Variants in DMWD observed in about 807,000 individuals in gnomAD.
DMWD encodes dystrophia myotonica WD repeat-containing protein.
A neutral mutation model predicts 45.8 loss-of-function variants in DMWD; 19 were observed. The ratio of observed to expected loss-of-function variants is 0.41; its 90% CI spans 0.29 to 0.61. The LOEUF is 0.61. DMWD is among the 20% of genes least tolerant of loss of function. DMWD has a pLI of 0.25. For missense variants in DMWD, 802 were observed against 965.2 expected, an observed-to-expected ratio of 0.83 and a Z score of 2.24; for synonymous variants, 515 against 440.5, an observed-to-expected ratio of 1.17 and a Z score of -2.12.
rs568553065 is a variant in DMWD at position 45,792,397 on chromosome 19, G to A, written c.360C>T (p.Gly120=). The A allele has an allele frequency of 7.3e-4, 1,170 of 1,593,982 alleles. 23 individuals are homozygous for A. The South Asian group carries it at 0.013, about 17-fold the overall frequency. The change falls in exon 1 of 5, where the codon GGC becomes GGT. Residue 120 remains glycine, a synonymous_variant. Transcript: ENST00000270223. ...TGAAGCAGACGCGGTCTCCCCCCGAGCCCAGCCCCGCGGGCGTGGCGGGCG... is the reference window on the plus strand; with the variant it reads ...TGAAGCAGACGCGGTCTCCCCCCGAACCCAGCCCCGCGGGCGTGGCGGGCG... The part of the protein sequence containing the change: ...GEPPATPAGL[G]SGGDRVCFNL...
In DMWD at chr19:45,785,638, A is replaced by T; in HGVS notation, c.1858T>A (p.Cys620Ser). ...LFLEDCIITA[C>S]QEGLICTWAR... ...CAGGTGCAGATGAGGCCCTCCTGGCAGGCAGTGATGATGCAGTCCTCCAGG... is the reference window on the plus strand; with the variant it reads ...CAGGTGCAGATGAGGCCCTCCTGGCTGGCAGTGATGATGCAGTCCTCCAGG... Residue 620 changes from cysteine to serine, a missense_variant, in exon 3 of 5, where the codon TGC becomes AGC. By Grantham distance (112) the Cys-to-Ser change is moderately radical. Coordinates refer to ENST00000270223, the MANE Select transcript of DMWD (RefSeq NM_004943.2). The T allele has an allele frequency of 1.3e-6, 2 of 1,542,592 alleles. No homozygotes were observed. The highest frequency in any genetic ancestry group is 1.8e-6 in the Non-Finnish European group (2 of 1,139,222).
rs1970214483 is a variant in DMWD, at chr19:45,783,572, C to T, written c.*671G>A. The T allele has an allele frequency of 5.0e-6, 2 of 398,800 alleles. No individual in the cohort carries two copies. The highest frequency in any genetic ancestry group is 4.4e-6 in the Non-Finnish European group (1 of 226,196). 24.7% of individuals were successfully genotyped at this position (398,800 alleles called of 1,614,324 possible). On this transcript the variant is annotated 3_prime_UTR_variant, in exon 5 of 5. Transcript: ENST00000270223. Reference sequence around the variant, plus strand: ...AGTTGTGTGACTCGCAGGTCCGTTCCCTCCCTGGGCTCCGGCTTTTCCTGC... The same window carrying T: ...AGTTGTGTGACTCGCAGGTCCGTTCTCTCCCTGGGCTCCGGCTTTTCCTGC...
At position 45,791,078 on chromosome 19, in the gene DMWD, G is replaced by C; in HGVS notation, c.451C>G (p.Leu151Val). 6.2e-7 allele frequency: 1 copy of C among 1,610,192 alleles called. No individual in the cohort carries two copies. Among genetic ancestry groups the C allele is most frequent in the Non-Finnish European group, 8.5e-7 (1 of 1,177,926 alleles). Residue 151 changes from leucine (L) to valine (V), a missense_variant, in exon 2 of 5, where the codon CTC becomes GTC. By Grantham distance (32) the Leu-to-Val change is conservative. Around this residue, in one of 9 missense-constraint regions of DMWD, gnomAD observed 82 missense variants for 92.9 expected, o/e 0.88. Coordinates refer to ENST00000270223, the MANE Select transcript of DMWD (RefSeq NM_004943.2). Reference sequence around the variant, plus strand: ...ATCCGCTTGTCAATTGGCTTGTTGAGGTCAATGGACTTGAGGGGTGGGAGA... The same window carrying C: ...ATCCGCTTGTCAATTGGCTTGTTGACGTCAATGGACTTGAGGGGTGGGAGA... Reference protein sequence around the residue: ...CRRGSQRSIDLNKPIDKRIYK... With the variant: ...CRRGSQRSIDVNKPIDKRIYK...
At position 45,784,633 on chromosome 19, in the gene DMWD, A is replaced by T; in HGVS notation, c.1977+8T>A. On this transcript the variant is annotated splice_region_variant and intron_variant, in intron 4 of 4. Coordinates refer to ENST00000270223, the MANE Select transcript of DMWD (RefSeq NM_004943.2). The stretch of plus-strand genomic sequence containing the variant: ...GGTGCTGGGGAAAGAACTCAGGGAC[A>T]GTCCTACCTCTACCACTGACTTGCT... 1 of 1,613,748 alleles carries T rather than the reference A, an allele frequency of 6.2e-7. No homozygotes were observed. The highest frequency in any genetic ancestry group is 1.3e-5 in the African/African-American group (1 of 75,018).
intron 4 of DMWD, 23 bp downstream of exon 4, chr19:45,784,618 A>T: frequency 6.2e-7 from 1 of 1,613,688 alleles, no homozygotes; most frequent in Non-Finnish European, 8.5e-7. Context: ...GGTGCTGGGG[A>T]AAGAACTCAG....
At position 45,784,225 on chromosome 19, in the gene DMWD, G is replaced by T; in HGVS notation, c.*18C>A. ...GAGGCTGGGGGCATGGGGTTGGGGG[G>T]GCCCGATATCCATGGCTTCACACCA... On this transcript the variant is annotated 3_prime_UTR_variant, in exon 5 of 5. Transcript: ENST00000270223. The T allele has an allele frequency of 1.9e-6, 3 of 1,560,100 alleles. No individual in the cohort carries two copies. Among genetic ancestry groups the T allele is most frequent in the Non-Finnish European group, 8.7e-7 (1 of 1,155,206 alleles).
At chr19:45,787,377 T>C (rs1568592876) in intron 2 of DMWD, among the ~76,000 whole-genome samples, 2 of 152,084 alleles carry the variant, frequency 1.3e-5, no homozygotes, top group African/African-American at 2.4e-5. Context: ...TGTGCGCTCC[T>C]TATTAGAATC....
At chr19:45,787,103 C>T in intron 2 of DMWD, 2 of 707,360 alleles carry the variant, frequency 2.8e-6, no homozygotes, top group Non-Finnish European at 2.3e-6. Context: ...CCACAGGGTG[C>T]TCCAAGGAGC....
chr19:45,788,931 GA>G (rs541890137), intron 2 of DMWD, among the ~76,000 whole-genome samples: 9,259 of 122,994 alleles, frequency 0.075, 829 homozygotes, highest in African/African-American at 0.23. Context: ...CCTATCTCAG[GA>G]AAAAAAAAAA....
Position 45,785,711 on chromosome 19 carries a change from G to A in DMWD, c.1785C>T (p.Pro595=), listed in dbSNP as rs2146271293. 1 of 1,605,402 alleles carries A rather than the reference G, an allele frequency of 6.2e-7. No individual in the cohort carries two copies. Among genetic ancestry groups the A allele is most frequent in the East Asian group, 2.2e-5 (1 of 44,540 alleles). The change falls in exon 3 of 5, where the codon CCC becomes CCT. Residue 595 remains proline (P), a synonymous_variant. Coordinates refer to ENST00000270223, the MANE Select transcript of DMWD (RefSeq NM_004943.2). ...PRIHEVPLLE[P]LVCKKIAQER... ...CCTGGGCGATCTTCTTGCACACAAGGGGCTCCAGCAGGGGCACCTCGTGGA... is the reference window on the plus strand; with the variant it reads ...CCTGGGCGATCTTCTTGCACACAAGAGGCTCCAGCAGGGGCACCTCGTGGA...
Position 45,786,077 on chromosome 19 carries a change from G to A in DMWD, c.1419C>T (p.Ala473=), listed in dbSNP as rs1412023848. Residue 473 remains alanine (A), a synonymous_variant, in exon 3 of 5, where the codon GCC becomes GCT. Coordinates refer to ENST00000270223, the MANE Select transcript of DMWD (RefSeq NM_004943.2). ...CAGGCTCGCCACCCCTCGAGCTGCT[G>A]GCGGCCGGTGGCGTGGTGCCAGGTG... ...PGTPGTTPPA[A]SSSRGGEPGP... The A allele has an allele frequency of 6.6e-7, 1 of 1,515,924 alleles. No individual in the cohort carries two copies. Among genetic ancestry groups the A allele is most frequent in the African/African-American group, 1.4e-5 (1 of 72,434 alleles). The allele number at this position is 1,515,924 out of a possible 1,614,324, so 93.9% of individuals were successfully genotyped here.
rs1053529239 is a variant in DMWD at position 45,792,599 on chromosome 19, G to A, written c.158C>T (p.Pro53Leu). ...RRSGPASAQT[P>L]VPPQPPQPPP... ...GGGCTGCGGTGGCTGAGGCGGCACC[G>A]GAGTCTGGGCGGAAGCCGGACCCGA... is the stretch of plus-strand genomic sequence containing the variant. Residue 53 changes from proline to leucine, a missense_variant, in exon 1 of 5, where the codon CCG (proline) becomes CTG (leucine). This residue lies in a region of DMWD where 151 missense variants were observed against 128.1 expected (regional missense o/e 1.18). Coordinates refer to ENST00000270223, the MANE Select transcript of DMWD (RefSeq NM_004943.2). 2.5e-5 allele frequency: 33 copies of A among 1,310,176 alleles called. No individual in the cohort carries two copies. Among genetic ancestry groups the A allele is most frequent in the Admixed American group, 8.1e-5 (3 of 37,208 alleles). The allele number at this position is 1,310,176 out of a possible 1,614,324, so 81.2% of individuals were successfully genotyped here. A position where few individuals can be genotyped will look rare whatever the true frequency, so the allele number is the denominator to read the frequency against.
At chr19:45,784,826 C>A in intron 3 of DMWD, 111 bp from the exon 4 acceptor site, 1 of 1,476,922 alleles carries the variant, frequency 6.8e-7, no homozygotes. Flanking sequence ...ACTCAGGACT[C>A]TACGATTCCA....
chr19:45,787,190 C>T (rs983743739), intron 2 of DMWD: 39 of 432,062 alleles, frequency 9.0e-5, no homozygotes, highest in South Asian at 6.7e-4. Context: ...CCTCAACCTC[C>T]GGGCCATGGA....
At chr19:45,789,572 G>A (rs1970327076) in intron 2 of DMWD, 1 of 152,378 alleles carries the variant, frequency 6.6e-6, no homozygotes, top group Admixed American at 6.5e-5. Flanking sequence ...GTCACATGAT[G>A]AGTAAATGGT....
At chr19:45,792,193 A>G (rs1048522634) in intron 1 of DMWD, 123 bp downstream of exon 1, 1 of 1,401,572 alleles carries the variant, frequency 7.1e-7, no homozygotes. Context: ...CTGTCGCCCT[A>G]CAACGTCCAT....
rs200816830 is a variant in DMWD at position 45,786,124 on chromosome 19, G to T, written c.1372C>A (p.Arg458Ser). 1 of 1,533,532 alleles carries T rather than the reference G, an allele frequency of 6.5e-7. No individual in the cohort carries two copies. The highest frequency in any genetic ancestry group is 8.8e-7 in the Non-Finnish European group (1 of 1,137,366). The allele number at this position is 1,533,532 out of a possible 1,614,324, so 95.0% of individuals were successfully genotyped here. Residue 458 changes from arginine to serine, a missense_variant, in exon 3 of 5, where the codon CGC (arginine) becomes AGC (serine). Around this residue, in one of 9 missense-constraint regions of DMWD, gnomAD observed 303 missense variants for 332.9 expected, o/e 0.91. Coordinates refer to ENST00000270223, the MANE Select transcript of DMWD (RefSeq NM_004943.2). ...DVLYPHPPLARTRTLPGTPGT... is the reference protein window; with the variant it reads ...DVLYPHPPLASTRTLPGTPGT... The stretch of plus-strand genomic sequence containing the variant: ...GGTGTGCCAGGGAGGGTGCGGGTGC[G>T]GGCCAGGGGGGGGTGCGGGTAGAGC...
intron 2 of DMWD, among the ~76,000 whole-genome samples, chr19:45,788,884 G>A (rs114137207): frequency 0.016 from 2,458 of 150,372 alleles, 72 homozygotes; most frequent in African/African-American, 0.057. Context: ...AACGAAGATC[G>A]TACCACTGCA....
At chr19:45,784,339 C>G in intron 4 of DMWD, 49 bp from the exon 5 acceptor site, 1 of 1,489,212 alleles carries the variant, frequency 6.7e-7, no homozygotes, top group Non-Finnish European at 9.0e-7. Context: ...ACCACCTGGG[C>G]TTCAGCCAGT....
Sources: allele counts gnomAD v4.1 joint callset (sites outside exome capture counted in the v4.1 genomes callset), GRCh38; gene constraint gnomAD v4.1.1; regional missense constraint gnomAD v4.1.1; transcripts MANE v1.5; gene names NCBI Gene and HGNC (gene_info 2026-07-23, HGNC 2026-07-21).